APP: variants seen among roughly 807,000 people sequenced by gnomAD.
APP encodes the protein amyloid beta precursor protein.
In APP, 31 loss-of-function variants were observed where a neutral mutation model predicts 101.4. That is an observed-to-expected ratio of 0.31 (90% CI 0.23 to 0.41). APP has a LOEUF of 0.41. Among genes scored for constraint, APP ranks in the 10% least tolerant of loss-of-function variants. The pLI, the probability that APP is intolerant of heterozygous loss-of-function variation, is 1.00. For missense variants in APP, 839 were observed against 1,003.7 expected (o/e 0.84, Z 2.22); for synonymous variants, 366 against 364.4 (o/e 1.00, Z -0.05).
intron 6 of APP, among the ~76,000 whole-genome samples, chr21:26,002,572 G>A (rs9980574): frequency 0.042 from 6,329 of 152,214 alleles, 462 homozygotes; most frequent in African/African-American, 0.14. Context: ...TCTTACTCAG[G>A]CAGTGTTAAT....
chr21:26,103,941 ATGG>A (rs1568978755), intron 2 of APP, among the ~76,000 whole-genome samples: 2 of 152,200 alleles, frequency 1.3e-5, no homozygotes, highest in African/African-American at 2.4e-5. Flanking sequence ...CTTACTGTGA[ATGG>A]CTTAAACAAC....
chr21:26,032,679 T>C (rs2044883459), intron 5 of APP, among the ~76,000 whole-genome samples: 1 of 152,190 alleles, frequency 6.6e-6, no homozygotes, highest in African/African-American at 2.4e-5. Context: ...TAACTACAGC[T>C]TAAATGTATA....
chr21:26,135,332 A>C (rs2830081), intron 1 of APP, among the ~76,000 whole-genome samples: 53,789 of 152,066 alleles, frequency 0.35, 10,078 homozygotes, highest in African/African-American at 0.49. Flanking sequence ...GAAAACAGCC[A>C]CATTATATGC....
intron 5 of APP, 127 bp downstream of exon 5, chr21:26,050,873 C>T (rs1482963488): frequency 8.8e-7 from 1 of 1,132,750 alleles, no homozygotes; most frequent in East Asian, 2.6e-5. Flanking sequence ...TTTTGCATAA[C>T]AGCAGACTCT....
intron 1 of APP, among the ~76,000 whole-genome samples, chr21:26,138,315 TAG>T (rs1432401306): frequency 6.6e-6 from 1 of 152,086 alleles, no homozygotes; most frequent in Non-Finnish European, 1.5e-5. Context: ...AAAATCTTCT[TAG>T]AGAGTTGGCA....
chr21:25,911,953 A>C lies in APP; in HGVS notation c.1697T>G (p.Leu566Arg). Reference protein sequence around the residue: ...EEIQDEVDELLQKEQNYSDDV... With the variant: ...EEIQDEVDELRQKEQNYSDDV... ...ATCTGAATAGTTTTGCTCTTTCTGA[A>C]GCAGCTCATCTAAACCAAACAAAAC... Residue 566 changes from leucine to arginine, a missense_variant, in exon 14 of 18, where the codon CTT (leucine) becomes CGT (arginine). Physicochemically the swap from Leu to Arg is moderately radical, Grantham distance 102 (BLOSUM62 -2). Transcript: ENST00000346798. The C allele has an allele frequency of 6.2e-7, 1 of 1,613,962 alleles. No homozygotes were observed. The highest frequency in any genetic ancestry group is 8.5e-7 in the Non-Finnish European group (1 of 1,179,846).
intron 11 of APP, among the ~76,000 whole-genome samples, chr21:25,971,751 G>A (rs902735310): frequency 6.6e-6 from 1 of 152,178 alleles, no homozygotes; most frequent in Non-Finnish European, 1.5e-5. Flanking sequence ...CTCTTCCCAC[G>A]AGTCAGGTGA....
chr21:26,009,668 C>A (rs2043698618), intron 6 of APP: 1 of 150,638 alleles, frequency 6.6e-6, no homozygotes, highest in South Asian at 2.1e-4. Flanking sequence ...CGGCTTACTG[C>A]AACCTCCGTC....
At chr21:25,926,251 AGCAG>A (rs754064899) in intron 13 of APP, among the ~76,000 whole-genome samples, 1 of 152,214 alleles carries the variant, frequency 6.6e-6, no homozygotes, top group Non-Finnish European at 1.5e-5. Context: ...CCCAGAAAAG[AGCAG>A]CTCTCCCCTA....
intron 15 of APP, among the ~76,000 whole-genome samples, chr21:25,903,467 T>C (rs569246993): frequency 6.6e-6 from 1 of 152,104 alleles, no homozygotes; most frequent in African/African-American, 2.4e-5. Flanking sequence ...TAGTAACATA[T>C]AGGCTCTCCT....
chr21:26,019,318 A>G (rs1412022656), intron 6 of APP, among the ~76,000 whole-genome samples: 1 of 152,190 alleles, frequency 6.6e-6, no homozygotes, highest in Admixed American at 6.5e-5. Context: ...TCTCCTAAAT[A>G]TGCCTTTCCA....
chr21:26,037,470 CAT>C (rs2045168714), intron 5 of APP, among the ~76,000 whole-genome samples: 2 of 152,096 alleles, frequency 1.3e-5, no homozygotes, highest in African/African-American at 2.4e-5. Flanking sequence ...ACAATTATTA[CAT>C]GTCAATTTTT....
At chr21:26,145,768 GT>G (rs1386831664) in intron 1 of APP, among the ~76,000 whole-genome samples, 2 of 151,830 alleles carry the variant, frequency 1.3e-5, no homozygotes, top group African/African-American at 4.9e-5. Flanking sequence ...TAAATTTTCT[GT>G]TTTTTATATA....
At chr21:26,101,954 C>T (rs1187089723) in intron 2 of APP, among the ~76,000 whole-genome samples, 1 of 151,950 alleles carries the variant, frequency 6.6e-6, no homozygotes, top group East Asian at 1.9e-4. Flanking sequence ...TAACAGTGCC[C>T]AATAAATATA....
chr21:26,000,042 A>C lies in APP; in HGVS notation c.1006T>G (p.Tyr336Asp). 2.5e-6 allele frequency: 4 copies of C among 1,614,024 alleles called. No homozygotes were observed. The highest frequency in any genetic ancestry group is 3.4e-6 in the Non-Finnish European group (4 of 1,179,994). The change falls in exon 7 of 18, where the codon TAC becomes GAC. Residue 336 changes from tyrosine to aspartate, a missense_variant. Coordinates refer to ENST00000346798, the MANE Select transcript of APP (RefSeq NM_000484.4). Reference sequence around the variant, plus strand: ...GCGCTGCCACACACGGCCATGCAGTACTCTTCTGTGTCAAAGTTGTTCCGG... The same window carrying C: ...GCGCTGCCACACACGGCCATGCAGTCCTCTTCTGTGTCAAAGTTGTTCCGG... ...GNRNNFDTEEYCMAVCGSAMS... is the reference protein window; with the variant it reads ...GNRNNFDTEEDCMAVCGSAMS...
intron 2 of APP, among the ~76,000 whole-genome samples, chr21:26,093,611 T>G (rs563897782): frequency 6.6e-6 from 1 of 152,202 alleles, no homozygotes; most frequent in East Asian, 1.9e-4. Context: ...GTAGGTAGAA[T>G]TGCAAATTGA....
At chr21:25,988,968 A>G (rs2042751957) in intron 8 of APP, among the ~76,000 whole-genome samples, 2 of 152,148 alleles carry the variant, frequency 1.3e-5, no homozygotes, top group Non-Finnish European at 2.9e-5. Flanking sequence ...ACTGTGATCT[A>G]TTCTCAATAC....
At chr21:26,026,189 G>C (rs549012819) in intron 5 of APP, among the ~76,000 whole-genome samples, 1 of 152,086 alleles carries the variant, frequency 6.6e-6, no homozygotes, top group African/African-American at 2.4e-5. Context: ...TAAAATAAAC[G>C]CTTGGCAACA....
At chr21:25,961,409 A>C (rs1403438713) in intron 11 of APP, among the ~76,000 whole-genome samples, 1 of 152,142 alleles carries the variant, frequency 6.6e-6, no homozygotes, top group Non-Finnish European at 1.5e-5. Context: ...TTCTAAATTA[A>C]CTGAGACCTG....
Sources: allele counts gnomAD v4.1 joint callset (sites outside exome capture counted in the v4.1 genomes callset), GRCh38; gene constraint gnomAD v4.1.1; transcripts MANE v1.5; gene names NCBI Gene and HGNC (gene_info 2026-07-23, HGNC 2026-07-21).